The following NOS1AP variants were observed in gnomAD, a reference collection of about 807,000 sequenced individuals.
The protein encoded by NOS1AP is nitric oxide synthase 1 adaptor protein.
A neutral mutation model predicts 56.2 loss-of-function variants in NOS1AP; 21 were observed. That is an observed-to-expected ratio of 0.37 (90% CI 0.26 to 0.54). The LOEUF (loss-of-function observed/expected upper bound fraction) is 0.54, where lower values mean the gene tolerates loss of function less well. NOS1AP is among the 20% of genes least tolerant of loss of function. NOS1AP has a pLI of 0.84. For synonymous variants in NOS1AP, 270 were observed against 274.6 expected, an observed-to-expected ratio of 0.98 and a Z score of 0.17; for missense variants, 522 against 657.8, an observed-to-expected ratio of 0.79 and a Z score of 2.26.
chr1:162,082,468 C>T (rs1691916834), intron 1 of NOS1AP, among the ~76,000 whole-genome samples: 1 of 152,124 alleles, frequency 6.6e-6, no homozygotes, highest in Admixed American at 6.5e-5. Flanking sequence ...AATGGGATTG[C>T]TGGGTCAAAT....
In NOS1AP at chr1:162,369,343, G is replaced by A. The variant is rs1557898024; in HGVS notation, c.*1876G>A. ...AAGTGAGATCCATGAAACTAAATGA[G>A]CAGCTGTCAGAATCCAGTGTGGCTG... On this transcript the variant is annotated 3_prime_UTR_variant, in exon 10 of 10. Transcript: ENST00000361897. 6.6e-6 allele frequency: 1 copy of A among 152,208 alleles called. No homozygotes were observed. The highest frequency in any genetic ancestry group is 2.4e-5 in the African/African-American group (1 of 41,452). The allele number at this position is 152,208 out of a possible 1,614,324, so 9.4% of individuals were successfully genotyped here.
At chr1:162,171,621 C>G (rs542498869) in intron 2 of NOS1AP, among the ~76,000 whole-genome samples, 173 of 152,250 alleles carry the variant, frequency 1.1e-3, no homozygotes, top group Non-Finnish European at 1.8e-3. Flanking sequence ...GAACTTGGAG[C>G]CTTTGGGGAC....
rs1396814403 is a variant in NOS1AP at position 162,070,286 on chromosome 1, AG to A, written c.105+9del. ...CGGCATCTGCTTTGAGGCCAAGGTG[AG>A]GGGGCTCCGGGGAGGGTGCTACCTG... On this transcript the variant is annotated splice_donor_5th_base_variant and intron_variant, in intron 1 of 9. Coordinates refer to ENST00000361897, the MANE Select transcript of NOS1AP (RefSeq NM_014697.3). The A allele has an allele frequency of 1.2e-6, 2 of 1,610,630 alleles. No individual in the cohort carries two copies. Among genetic ancestry groups the A allele is most frequent in the Admixed American group, 1.7e-5 (1 of 59,908 alleles).
intron 2 of NOS1AP, among the ~76,000 whole-genome samples, chr1:162,155,474 T>C (rs1215171304): frequency 6.8e-6 from 1 of 147,324 alleles, no homozygotes. Flanking sequence ...GAGAGAGAGG[T>C]ATCGAATATA....
chr1:162,280,089 G>A (rs1654869624), intron 2 of NOS1AP, among the ~76,000 whole-genome samples: 1 of 152,112 alleles, frequency 6.6e-6, no homozygotes, highest in African/African-American at 2.4e-5. Context: ...CGAGGTGGGA[G>A]GATTGCTTGA....
At chr1:162,081,774 A>ATATATATATATATTTTTTTTTTTTTTTT in intron 1 of NOS1AP, among the ~76,000 whole-genome samples, 1 of 44,060 alleles carries the variant, frequency 2.3e-5, no homozygotes, top group Non-Finnish European at 4.6e-5. Flanking sequence ...ATATATATAT[A>ATATATATATATATTTTTTTTTTTTTTTT]TTTTTTTTTT....
chr1:162,295,141 GA>G (rs1465022524), intron 3 of NOS1AP, among the ~76,000 whole-genome samples: 2 of 152,188 alleles, frequency 1.3e-5, no homozygotes, highest in African/African-American at 4.8e-5. Context: ...GGCACTCAGA[GA>G]GGTGCTGACA....
intron 1 of NOS1AP, among the ~76,000 whole-genome samples, chr1:162,122,239 G>A (rs1334325383): frequency 6.6e-6 from 1 of 152,162 alleles, no homozygotes; most frequent in East Asian, 1.9e-4. Flanking sequence ...AGTGCTTTCA[G>A]ATATCATCAG....
At chr1:162,238,587 A>G (rs1326094171) in intron 2 of NOS1AP, among the ~76,000 whole-genome samples, 1 of 152,198 alleles carries the variant, frequency 6.6e-6, no homozygotes, top group Non-Finnish European at 1.5e-5. Context: ...TGCACCAGTT[A>G]TATTTGTTGT....
intron 3 of NOS1AP, among the ~76,000 whole-genome samples, chr1:162,290,490 G>C (rs1655254367): frequency 6.6e-6 from 1 of 152,204 alleles, no homozygotes; most frequent in South Asian, 2.1e-4. Flanking sequence ...GGTGAGAGTA[G>C]ACATGCTATT....
intron 2 of NOS1AP, among the ~76,000 whole-genome samples, chr1:162,256,968 A>T (rs555558557): frequency 1.3e-5 from 2 of 152,304 alleles, no homozygotes; most frequent in East Asian, 3.9e-4. Flanking sequence ...CTTACAGGGC[A>T]TTCTCTTCTC....
intron 1 of NOS1AP, among the ~76,000 whole-genome samples, chr1:162,118,562 G>A (rs943808772): frequency 1.3e-5 from 2 of 152,122 alleles, no homozygotes; most frequent in South Asian, 2.1e-4. Context: ...GCAGGCATTT[G>A]TGTCTTTGTG....
At chr1:162,279,758 G>T (rs573127630) in intron 2 of NOS1AP, among the ~76,000 whole-genome samples, 3 of 152,330 alleles carry the variant, frequency 2.0e-5, no homozygotes, top group Admixed American at 2.0e-4. Context: ...TGTATTGAAT[G>T]AATGGAGGAA....
chr1:162,133,720 T>G (rs10918723), intron 1 of NOS1AP, among the ~76,000 whole-genome samples: 36,382 of 152,232 alleles, frequency 0.24, 8,220 homozygotes, highest in African/African-American at 0.6. Flanking sequence ...ATGTTGGAAC[T>G]GGTATTTATT....
intron 1 of NOS1AP, among the ~76,000 whole-genome samples, chr1:162,113,380 T>C (rs1032165984): frequency 6.6e-6 from 1 of 152,090 alleles, no homozygotes; most frequent in African/African-American, 2.4e-5. Context: ...CACAGTGGAA[T>C]GTGTTGTCGG....
intron 1 of NOS1AP, among the ~76,000 whole-genome samples, chr1:162,093,535 AAG>A: frequency 6.6e-6 from 1 of 152,290 alleles, no homozygotes; most frequent in Non-Finnish European, 1.5e-5. Flanking sequence ...AGTTTAGTGG[AAG>A]AGATACTATG....
Position 162,365,465 on chromosome 1 carries a change from G to T in NOS1AP, c.1001G>T (p.Arg334Leu), listed in dbSNP as rs1258105177. 10 of 1,613,976 alleles carry T rather than the reference G, an allele frequency of 6.2e-6. No individual in the cohort carries two copies. The highest frequency in any genetic ancestry group is 7.6e-6 in the Non-Finnish European group (9 of 1,180,038). Residue 334 changes from arginine to leucine, a missense_variant, in exon 9 of 10, where the codon CGC (arginine) becomes CTC (leucine). By Grantham distance (102) the Arg-to-Leu change is moderately radical. Transcript: ENST00000361897. The part of the protein sequence containing the change: ...EAAARLEAQA[R>L]VHQLLLQNKD... ...GCGGCGCGGCTGGAGGCCCAGGCTC[G>T]CGTGCATCAGCTTTTGCTGCAGAAC...
At chr1:162,308,946 G>A (rs1655932142) in intron 4 of NOS1AP, among the ~76,000 whole-genome samples, 1 of 152,224 alleles carries the variant, frequency 6.6e-6, no homozygotes, top group Non-Finnish European at 1.5e-5. Context: ...TGGTCACACA[G>A]CTGCTGCATG....
chr1:162,071,752 A>G (rs1450476496), intron 1 of NOS1AP, among the ~76,000 whole-genome samples: 4 of 152,170 alleles, frequency 2.6e-5, no homozygotes, highest in Admixed American at 2.6e-4. Context: ...TTTGGTGAGC[A>G]GAGGTTTTTA....
Sources: allele counts gnomAD v4.1 joint callset (sites outside exome capture counted in the v4.1 genomes callset), GRCh38; gene constraint gnomAD v4.1.1; transcripts MANE v1.5; gene names NCBI Gene and HGNC (gene_info 2026-07-23, HGNC 2026-07-21).